Variants in MRPS27 observed in about 807,000 individuals in gnomAD.
MRPS27 encodes mitochondrial ribosomal protein S27.
MRPS27 carries 43 observed loss-of-function variants against 48.9 expected under a neutral mutation model. The observed-to-expected ratio is 0.88, with a 90% CI of 0.69 to 1.13. MRPS27 has a LOEUF of 1.13. Ranked by LOEUF, MRPS27 falls within the 50% of genes most tolerant of loss-of-function variation. The probability of loss-of-function intolerance (pLI) is 0.00; values close to 1 mark genes in which losing one functional copy is unlikely to be tolerated. For synonymous variants in MRPS27, 188 were observed against 171.9 expected, an observed-to-expected ratio of 1.09 and a Z score of -0.73; for missense variants, 467 against 476.3, an observed-to-expected ratio of 0.98 and a Z score of 0.18.
intron 4 of MRPS27, among the ~76,000 whole-genome samples, chr5:72,256,842 G>A (rs553416161): frequency 2.0e-4 from 31 of 152,268 alleles, no homozygotes. Context: ...ACATTAGCAG[G>A]CTCTTTATAG....
At chr5:72,243,277 G>A (rs1018957019) in intron 4 of MRPS27, among the ~76,000 whole-genome samples, 1 of 152,182 alleles carries the variant, frequency 6.6e-6, no homozygotes, top group African/African-American at 2.4e-5. Context: ...CAAAGACCAA[G>A]AGTGTCATGT....
At chr5:72,300,801 C>T (rs2112070984) in intron 2 of MRPS27, among the ~76,000 whole-genome samples, 1 of 152,314 alleles carries the variant, frequency 6.6e-6, no homozygotes, top group South Asian at 2.1e-4. Flanking sequence ...CTCCACCCAG[C>T]AGTCTGAGTG....
intron 5 of MRPS27, among the ~76,000 whole-genome samples, chr5:72,236,224 G>A (rs1748196119): frequency 6.6e-6 from 1 of 152,046 alleles, no homozygotes; most frequent in African/African-American, 2.4e-5. Context: ...AATTAAACTA[G>A]AATTTCAGGA....
intron 4 of MRPS27, among the ~76,000 whole-genome samples, chr5:72,284,083 GAA>G (rs771990147): frequency 6.6e-6 from 1 of 151,954 alleles, no homozygotes; most frequent in Non-Finnish European, 1.5e-5. Context: ...TACTTCTTAA[GAA>G]TCTGCAGATG....
At chr5:72,242,367 T>C (rs1748374483) in intron 4 of MRPS27, among the ~76,000 whole-genome samples, 1 of 149,316 alleles carries the variant, frequency 6.7e-6, no homozygotes, top group South Asian at 2.1e-4. Context: ...GGAGTGAAAG[T>C]CTTGGATATC....
chr5:72,220,672 C>CT lies in MRPS27; in HGVS notation c.*236dup, dbSNP rs1747714913. Reference sequence around the variant, plus strand: ...AACTCCATTATGAGCCTCAAGAGTCCTCCTTAAGGTATTCAGCTGGTGACT... The same window carrying CT: ...AACTCCATTATGAGCCTCAAGAGTCCTTCCTTAAGGTATTCAGCTGGTGACT... On this transcript the variant is annotated 3_prime_UTR_variant, in exon 11 of 11. Coordinates refer to ENST00000261413, the MANE Select transcript of MRPS27 (RefSeq NM_015084.3). The CT allele has an allele frequency of 3.7e-6, 2 of 540,830 alleles. No homozygotes were observed. The highest frequency in any genetic ancestry group is 5.5e-5 in the South Asian group (2 of 36,300). The allele number at this position is 540,830 out of a possible 1,614,324, so 33.5% of individuals were successfully genotyped here. A position where few individuals can be genotyped will look rare whatever the true frequency, so the allele number is the denominator to read the frequency against.
rs1050481695 is a variant in MRPS27 at position 72,220,332 on chromosome 5, C to G, written c.*577G>C. 1.3e-5 allele frequency: 2 copies of G among 152,698 alleles called. No individual in the cohort carries two copies. Among genetic ancestry groups the G allele is most frequent in the African/African-American group, 4.8e-5 (2 of 41,440 alleles). The allele number at this position is 152,698 out of a possible 1,614,324, so 9.5% of individuals were successfully genotyped here. A position where few individuals can be genotyped will look rare whatever the true frequency, so the allele number is the denominator to read the frequency against. Reference sequence around the variant, plus strand: ...GGTCAGGAGGTTGAGACCAGCCTGACCAACATGGTGAAACCCCATCTCTAC... The same window carrying G: ...GGTCAGGAGGTTGAGACCAGCCTGAGCAACATGGTGAAACCCCATCTCTAC... On this transcript the variant is annotated 3_prime_UTR_variant, in exon 11 of 11. Transcript: ENST00000261413.
At chr5:72,233,293 G>A (rs772065405) in intron 6 of MRPS27, among the ~76,000 whole-genome samples, 48 of 152,108 alleles carry the variant, frequency 3.2e-4, no homozygotes, top group Non-Finnish European at 5.9e-4. Flanking sequence ...AGCCTGGAGA[G>A]CAGGCTTTAA....
chr5:72,251,403 T>C (rs1230306538), intron 4 of MRPS27, among the ~76,000 whole-genome samples: 1 of 152,222 alleles, frequency 6.6e-6, no homozygotes, highest in Non-Finnish European at 1.5e-5. Flanking sequence ...GCAGGGTTTC[T>C]GATCTTATTT....
At chr5:72,300,850 C>T (rs1354137692) in intron 2 of MRPS27, among the ~76,000 whole-genome samples, 1 of 152,114 alleles carries the variant, frequency 6.6e-6, no homozygotes, top group Admixed American at 6.5e-5. Flanking sequence ...AGGATAAAAA[C>T]CAATAAATGC....
intron 4 of MRPS27, among the ~76,000 whole-genome samples, chr5:72,290,625 T>G (rs12188883): frequency 0.034 from 5,249 of 152,182 alleles, 104 homozygotes; most frequent in African/African-American, 0.053. Flanking sequence ...AAGATGCAAA[T>G]CTAATTCTTA....
chr5:72,228,566 C>A, intron 7 of MRPS27, 198 bp from the exon 8 acceptor site: 1 of 413,920 alleles, frequency 2.4e-6, no homozygotes, highest in Non-Finnish European at 4.2e-6. Flanking sequence ...AAAGAAATAC[C>A]CTATATGTTA....
chr5:72,298,734 A>C (rs1366561187), intron 2 of MRPS27, among the ~76,000 whole-genome samples: 5 of 151,446 alleles, frequency 3.3e-5, no homozygotes, highest in South Asian at 2.1e-4. Flanking sequence ...CAAAAAAAAA[A>C]AAAACAGAGC....
intron 4 of MRPS27, among the ~76,000 whole-genome samples, chr5:72,269,324 G>A (rs375052874): frequency 9.2e-5 from 14 of 152,286 alleles, no homozygotes; most frequent in African/African-American, 3.4e-4. Flanking sequence ...TCACATATCT[G>A]AGACTTTCAG....
At chr5:72,222,849 G>C (rs1307620464) in intron 10 of MRPS27, among the ~76,000 whole-genome samples, 1 of 152,088 alleles carries the variant, frequency 6.6e-6, no homozygotes, top group African/African-American at 2.4e-5. Flanking sequence ...AATACAACAG[G>C]CTCCTCCTTA....
chr5:72,279,880 C>T (rs1305311269), intron 4 of MRPS27, among the ~76,000 whole-genome samples: 1 of 151,650 alleles, frequency 6.6e-6, no homozygotes, highest in Non-Finnish European at 1.5e-5. Flanking sequence ...TTTAATCTAC[C>T]TAAAAAAAAT....
At chr5:72,249,627 G>A (rs1748603593) in intron 4 of MRPS27, among the ~76,000 whole-genome samples, 3 of 152,228 alleles carry the variant, frequency 2.0e-5, no homozygotes, top group African/African-American at 7.2e-5. Flanking sequence ...AGAGGTTGCA[G>A]TGAGCCAAGA....
chr5:72,264,565 G>C (rs889196764), intron 4 of MRPS27, among the ~76,000 whole-genome samples: 1 of 152,152 alleles, frequency 6.6e-6, no homozygotes, highest in African/African-American at 2.4e-5. Flanking sequence ...CTTTGGAGGG[G>C]GTGTAGGGGG....
intron 4 of MRPS27, among the ~76,000 whole-genome samples, chr5:72,268,068 A>G (rs1296142793): frequency 1.3e-5 from 2 of 152,176 alleles, no homozygotes; most frequent in Non-Finnish European, 2.9e-5. Context: ...GTGCACCAAG[A>G]TCAGCCTCAA....
Sources: gnomAD v4.1 joint callset for allele counts (sites outside exome capture counted in the v4.1 genomes callset) on GRCh38, gnomAD v4.1.1 for gene constraint, MANE v1.5 for transcripts, NCBI Gene and HGNC (gene_info 2026-07-23, HGNC 2026-07-21) for gene names.